The following ORC4 variants were observed in gnomAD, a reference collection of about 807,000 sequenced individuals.
ORC4 encodes origin recognition complex, subunit 4 homolog.
A neutral mutation model predicts 63.9 loss-of-function variants in ORC4; 55 were observed. That is an observed-to-expected ratio of 0.86 (90% CI 0.69 to 1.08). The LOEUF (loss-of-function observed/expected upper bound fraction) is 1.08. Ranked by LOEUF, ORC4 falls within the 50% of genes least tolerant of loss-of-function variation. The pLI is 0.00. For synonymous variants in ORC4, 150 were observed against 168.5 expected (o/e 0.89, Z 0.85); for missense variants, 511 against 504.4 (o/e 1.01, Z -0.13).
rs546941864 is a variant in ORC4 at position 147,972,965 on chromosome 2, C to T, written c.135-136G>A. ...TCCCTCTGGGTACTTGGCCTAGCTT[C>T]TGAATGGTCCTAAATAGAAAAATAC... is the stretch of plus-strand genomic sequence containing the variant. On this transcript the variant is annotated intron_variant, in intron 3 of 13. Coordinates refer to ENST00000392857, the MANE Select transcript of ORC4 (RefSeq NM_181741.4). 3.9e-5 allele frequency: 25 copies of T among 633,514 alleles called. No individual in the cohort carries two copies. The South Asian group carries it at 4.0e-4, about 10-fold the overall frequency. 39.2% of individuals were successfully genotyped at this position (633,514 alleles called of 1,614,324 possible). A position where few individuals can be genotyped will look rare whatever the true frequency, so the allele number is the denominator to read the frequency against.
intron 1 of ORC4, among the ~76,000 whole-genome samples, chr2:147,985,420 T>C (rs528153582): frequency 2.0e-4 from 30 of 152,242 alleles, no homozygotes; most frequent in Non-Finnish European, 3.5e-4. Flanking sequence ...ATAGTCTCGA[T>C]TTCCTGACCT....
At chr2:147,936,916 G>C (rs1203558976) in intron 13 of ORC4, 1 of 151,720 alleles carries the variant, frequency 6.6e-6, no homozygotes, top group East Asian at 1.9e-4. Flanking sequence ...CTATTCAGGA[G>C]GCTGAGGCAG....
intron 4 of ORC4, among the ~76,000 whole-genome samples, chr2:147,965,966 G>T (rs1233825361): frequency 6.6e-6 from 1 of 152,202 alleles, no homozygotes; most frequent in South Asian, 2.1e-4. Context: ...AACACTTTGA[G>T]ACGCCAAGGT....
intron 1 of ORC4, among the ~76,000 whole-genome samples, chr2:147,980,279 T>C (rs1380987436): frequency 6.6e-6 from 1 of 152,058 alleles, no homozygotes; most frequent in Non-Finnish European, 1.5e-5. Context: ...TACATTATAA[T>C]AGCTATTTAC....
intron 1 of ORC4, among the ~76,000 whole-genome samples, chr2:147,987,391 TACACACACACACAC>T (rs763374232): frequency 7.3e-6 from 1 of 136,622 alleles, no homozygotes; most frequent in African/African-American, 2.6e-5. Context: ...TGTATATATA[TACACACACACACAC>T]ACACACAAAA....
intron 11 of ORC4, 196 bp from the exon 12 acceptor site, chr2:147,938,589 C>T: frequency 1.8e-6 from 1 of 542,190 alleles, no homozygotes; most frequent in Non-Finnish European, 3.3e-6. Context: ...AGTTTTTTTC[C>T]TATCTGCAAA....
At position 147,958,306 on chromosome 2, in the gene ORC4, T is replaced by C. The variant is rs750863046; in HGVS notation, c.379A>G (p.Lys127Glu). Residue 127 changes from lysine (K) to glutamate (E), a missense_variant, in exon 6 of 14, where the codon AAA becomes GAA. Transcript: ENST00000392857. ...ACTGAAATGATACTTACAAAAACTTTATCTCCAACTACATTTTCCAGATTT... is the reference window on the plus strand; with the variant it reads ...ACTGAAATGATACTTACAAAAACTTCATCTCCAACTACATTTTCCAGATTT... ...QLNLENVVGD[K>E]VFGSFAENLS... 57 of 1,604,400 alleles carry C rather than the reference T, an allele frequency of 3.6e-5. No homozygotes were observed. The highest frequency in any genetic ancestry group is 4.9e-5 in the Non-Finnish European group (57 of 1,171,874).
rs199752824 is a variant in ORC4, at chr2:147,987,391, T to C, written c.-17-11416A>G. The stretch of plus-strand genomic sequence containing the variant: ...ATGTGTGTGTGTGTGTGTATATATA[T>C]ACACACACACACACACACACAAAAA... On this transcript the variant is annotated intron_variant, in intron 1 of 13. Transcript: ENST00000392857. 2.2e-3 allele frequency among the ~76,000 whole-genome samples: 298 copies of C among 136,650 alleles called. 2 individuals are homozygous for C. Among genetic ancestry groups the C allele is most frequent in the Non-Finnish European group, 2.9e-3 (184 of 63,386 alleles). 89.6% of individuals were successfully genotyped at this position (136,650 alleles called of 152,430 possible). A position where few individuals can be genotyped will look rare whatever the true frequency, so the allele number is the denominator to read the frequency against.
Position 148,005,334 on chromosome 2 carries a change from T to C in ORC4, c.-18+15299A>G, listed in dbSNP as rs1273430982. ...GAAAACCAAACAACGCATGTTCCCATAAGTGGGAGCTGAACAATGAGAACA... is the reference window on the plus strand; with the variant it reads ...GAAAACCAAACAACGCATGTTCCCACAAGTGGGAGCTGAACAATGAGAACA... On this transcript the variant is annotated intron_variant, in intron 1 of 13. Transcript: ENST00000392857. Among the ~76,000 whole-genome samples the C allele has an allele frequency of 2.0e-5, 3 of 151,496 alleles. No individual in the cohort carries two copies. In the East Asian group the frequency reaches 5.8e-4, roughly 29 times the overall value.
chr2:147,964,056 A>G (rs1404537553), intron 4 of ORC4, among the ~76,000 whole-genome samples: 1 of 152,240 alleles, frequency 6.6e-6, no homozygotes, highest in Admixed American at 6.5e-5. Flanking sequence ...TAAACATAAA[A>G]AAGCAAGAAA....
At chr2:147,987,223 A>G (rs1288123587) in intron 1 of ORC4, among the ~76,000 whole-genome samples, 3 of 151,374 alleles carry the variant, frequency 2.0e-5, no homozygotes, top group South Asian at 2.1e-4. Context: ...ATAAATATCT[A>G]AAGTCCAGCA....
upstream of ORC4, chr2:148,021,501 G>T: frequency 1.8e-6 from 1 of 563,206 alleles, no homozygotes. Context: ...TGCTGCTACT[G>T]CTGCTGCTGC....
intron 1 of ORC4, among the ~76,000 whole-genome samples, chr2:148,015,609 C>T (rs774239701): frequency 3.9e-4 from 59 of 151,648 alleles, no homozygotes; most frequent in Non-Finnish European, 5.0e-4. Context: ...CCACCACACC[C>T]GGCCTGGAAT....
intron 4 of ORC4, among the ~76,000 whole-genome samples, chr2:147,971,196 G>T (rs1573815275): frequency 6.6e-6 from 1 of 151,776 alleles, no homozygotes; most frequent in Non-Finnish European, 1.5e-5. Flanking sequence ...ACAGTTAATA[G>T]TATGAAAAGA....
chr2:147,972,685 T>C lies in ORC4; in HGVS notation c.225+54A>G, dbSNP rs932856540. On this transcript the variant is annotated intron_variant, in intron 4 of 13. Transcript: ENST00000392857. ...TTATATATGAATTTATTTATTCTTA[T>C]ATAAAATAAGAATCATCACATGCCA... is the stretch of plus-strand genomic sequence containing the variant. The C allele has an allele frequency of 6.6e-6, 6 of 911,226 alleles. No homozygotes were observed. In the African/African-American group the frequency reaches 8.3e-5, roughly 13 times the overall value. 56.4% of individuals were successfully genotyped at this position (911,226 alleles called of 1,614,324 possible). A position where few individuals can be genotyped will look rare whatever the true frequency, so the allele number is the denominator to read the frequency against.
chr2:147,951,051 G>A (rs927768667), intron 8 of ORC4, among the ~76,000 whole-genome samples: 2 of 151,892 alleles, frequency 1.3e-5, no homozygotes, highest in African/African-American at 4.8e-5. Context: ...AGTGATGTAT[G>A]AGGGATGTTT....
chr2:147,966,201 G>A (rs1558848031), intron 4 of ORC4, among the ~76,000 whole-genome samples: 1 of 151,732 alleles, frequency 6.6e-6, no homozygotes, highest in East Asian at 1.9e-4. Context: ...AAAACTTAAG[G>A]AACACACAGC....
chr2:147,998,572 G>A (rs1327059099), intron 1 of ORC4, among the ~76,000 whole-genome samples: 3 of 152,138 alleles, frequency 2.0e-5, no homozygotes, highest in Non-Finnish European at 4.4e-5. Context: ...CTTGTCCACC[G>A]TGTTGTGAAG....
intron 5 of ORC4, 109 bp downstream of exon 5, chr2:147,958,682 G>A (rs865977255): frequency 2.9e-6 from 2 of 680,254 alleles, no homozygotes; most frequent in East Asian, 5.5e-5. Context: ...GTAAAACATG[G>A]ATCTAGTTTT....
Sources: allele counts gnomAD v4.1 joint callset (sites outside exome capture counted in the v4.1 genomes callset), GRCh38; gene constraint gnomAD v4.1.1; transcripts MANE v1.5; gene names NCBI Gene and HGNC (gene_info 2026-07-23, HGNC 2026-07-21).